Variants in ENOX1 observed in about 807,000 individuals in gnomAD.
ENOX1 encodes candidate growth-related and time keeping constitutive hydroquinone (NADH) oxidase.
A neutral mutation model predicts 82.5 loss-of-function variants in ENOX1; 42 were observed. The observed-to-expected ratio is 0.51, with a 90% CI of 0.40 to 0.66. The LOEUF (loss-of-function observed/expected upper bound fraction) is 0.66, where lower values mean the gene tolerates loss of function less well. Among genes scored for constraint, ENOX1 ranks in the 30% least tolerant of loss-of-function variants. The pLI is 0.00. For missense variants in ENOX1, 608 were observed against 811.6 expected, an observed-to-expected ratio of 0.75 and a Z score of 3.05; for synonymous variants, 271 against 282.2, an observed-to-expected ratio of 0.96 and a Z score of 0.40.
At chr13:43,479,183 G>A (rs1318592942) in intron 3 of ENOX1, among the ~76,000 whole-genome samples, 1 of 152,152 alleles carries the variant, frequency 6.6e-6, no homozygotes, top group Non-Finnish European at 1.5e-5. Flanking sequence ...TGAGGCCAAG[G>A]ATGTTGGGAC....
chr13:43,450,959 C>T (rs2056934218), intron 3 of ENOX1, among the ~76,000 whole-genome samples: 1 of 152,136 alleles, frequency 6.6e-6, no homozygotes, highest in Non-Finnish European at 1.5e-5. Context: ...GAAAACAGAG[C>T]TTCTGAAACT....
chr13:43,585,162 C>T (rs1394120703), intron 2 of ENOX1, among the ~76,000 whole-genome samples: 2 of 152,128 alleles, frequency 1.3e-5, no homozygotes, highest in Non-Finnish European at 2.9e-5. Flanking sequence ...ATCAGTGTTA[C>T]AGTGGCTTAA....
chr13:43,473,647 A>G (rs1593381812), intron 3 of ENOX1, among the ~76,000 whole-genome samples: 1 of 152,212 alleles, frequency 6.6e-6, no homozygotes, highest in African/African-American at 2.4e-5. Flanking sequence ...TGGGCTATCA[A>G]TAGAAGCTAA....
chr13:43,255,332 A>G (rs759951611), intron 14 of ENOX1, among the ~76,000 whole-genome samples: 4 of 152,148 alleles, frequency 2.6e-5, no homozygotes, highest in Non-Finnish European at 4.4e-5. Context: ...CACAGTTAAC[A>G]TCATACAAGA....
At chr13:43,367,637 GC>G (rs1247108981) in intron 5 of ENOX1, among the ~76,000 whole-genome samples, 1 of 151,242 alleles carries the variant, frequency 6.6e-6, no homozygotes, top group Non-Finnish European at 1.5e-5. Context: ...CAGACTTTTG[GC>G]CCCCAGAACT....
chr13:43,416,217 G>A (rs1161954949), intron 3 of ENOX1, among the ~76,000 whole-genome samples: 44 of 115,372 alleles, frequency 3.8e-4, no homozygotes, highest in East Asian at 8.5e-4. Flanking sequence ...CTGGGCAGAG[G>A]CGCTCCTCAC....
chr13:43,617,562 T>A (rs538084367), intron 2 of ENOX1, among the ~76,000 whole-genome samples: 1 of 152,350 alleles, frequency 6.6e-6, no homozygotes, highest in African/African-American at 2.4e-5. Flanking sequence ...ATTTATTCCT[T>A]TTTATGGCTG....
intron 16 of ENOX1, among the ~76,000 whole-genome samples, chr13:43,221,221 A>T (rs553117531): frequency 2.6e-5 from 4 of 152,314 alleles, no homozygotes; most frequent in African/African-American, 9.6e-5. Flanking sequence ...GGGCAACCAG[A>T]CACGCTTGGA....
In ENOX1 at chr13:43,650,636, C is replaced by T. The variant is rs565253883; in HGVS notation, c.-219+16843G>A. ...GGTGGATCATCTGAGGTCAGGAGTTCGAGACCATCCTGGGCAACATGGTGA... is the reference window on the plus strand; with the variant it reads ...GGTGGATCATCTGAGGTCAGGAGTTTGAGACCATCCTGGGCAACATGGTGA... On this transcript the variant is annotated intron_variant, in intron 2 of 16. Transcript: ENST00000690772. Among the ~76,000 whole-genome samples the T allele has an allele frequency of 5.7e-5, 8 of 140,194 alleles. No homozygotes were observed. The South Asian group carries it at 7.4e-4, about 13-fold the overall frequency. 92.0% of individuals were successfully genotyped at this position (140,194 alleles called of 152,430 possible). A position where few individuals can be genotyped will look rare whatever the true frequency, so the allele number is the denominator to read the frequency against.
At chr13:43,359,572 C>CA (rs1241362551) in intron 7 of ENOX1, among the ~76,000 whole-genome samples, 1 of 152,192 alleles carries the variant, frequency 6.6e-6, no homozygotes, top group Non-Finnish European at 1.5e-5. Context: ...CCTTAGTACT[C>CA]ATAATATTGC....
chr13:43,424,605 G>A (rs1446639102), intron 3 of ENOX1, among the ~76,000 whole-genome samples: 1 of 152,200 alleles, frequency 6.6e-6, no homozygotes, highest in East Asian at 1.9e-4. Flanking sequence ...GATGAATAAA[G>A]CATTAGCCCT....
chr13:43,526,965 C>T (rs2078015061), intron 2 of ENOX1, among the ~76,000 whole-genome samples: 1 of 151,996 alleles, frequency 6.6e-6, no homozygotes, highest in Non-Finnish European at 1.5e-5. Flanking sequence ...CAGCATTCCT[C>T]CCCTCTGGAG....
At chr13:43,340,546 T>C (rs916887335) in intron 9 of ENOX1, among the ~76,000 whole-genome samples, 2 of 152,232 alleles carry the variant, frequency 1.3e-5, no homozygotes, top group Non-Finnish European at 2.9e-5. Flanking sequence ...ATGGTTACAA[T>C]TGGGGATACT....
At chr13:43,504,311 C>T (rs1593525199) in intron 2 of ENOX1, among the ~76,000 whole-genome samples, 1 of 151,854 alleles carries the variant, frequency 6.6e-6, no homozygotes, top group East Asian at 1.9e-4. Context: ...AGAAATCCCA[C>T]TTCTGAGTAT....
chr13:43,585,601 G>A (rs539462194), intron 2 of ENOX1, among the ~76,000 whole-genome samples: 2 of 152,154 alleles, frequency 1.3e-5, no homozygotes, highest in Non-Finnish European at 1.5e-5. Context: ...TTTTTGAGAC[G>A]GAGTCTCACA....
chr13:43,529,892 T>C (rs1301543126), intron 2 of ENOX1, among the ~76,000 whole-genome samples: 1 of 152,106 alleles, frequency 6.6e-6, no homozygotes, highest in Non-Finnish European at 1.5e-5. Flanking sequence ...TAACTAAAAA[T>C]TGTTTGCACA....
intron 2 of ENOX1, among the ~76,000 whole-genome samples, chr13:43,638,077 G>A (rs1022559231): frequency 1.3e-5 from 2 of 152,124 alleles, no homozygotes; most frequent in African/African-American, 4.8e-5. Flanking sequence ...CCTCTAAGAG[G>A]ATATGGACTA....
intron 12 of ENOX1, among the ~76,000 whole-genome samples, chr13:43,292,285 A>G (rs931104170): frequency 5.9e-5 from 9 of 152,188 alleles, no homozygotes. Context: ...TTGAAAATAA[A>G]ATAATATGAT....
chr13:43,502,118 A>G (rs2077002142), intron 2 of ENOX1, among the ~76,000 whole-genome samples: 1 of 151,660 alleles, frequency 6.6e-6, no homozygotes, highest in Non-Finnish European at 1.5e-5. Context: ...ACATTGGATA[A>G]CCTAGGAGAA....
Sources: gnomAD v4.1 joint callset for allele counts (sites outside exome capture counted in the v4.1 genomes callset) on GRCh38, gnomAD v4.1.1 for gene constraint, MANE v1.5 for transcripts, NCBI Gene and HGNC (gene_info 2026-07-23, HGNC 2026-07-21) for gene names.